The following DISP3 variants were observed in gnomAD, a reference collection of about 807,000 sequenced individuals.
The protein encoded by DISP3 is dispatched RND transporter family member 3, also known as protein dispatched homolog 3.
A neutral mutation model predicts 135.3 loss-of-function variants in DISP3; 101 were observed. That is an observed-to-expected ratio of 0.75 (90% CI 0.64 to 0.88). The LOEUF is 0.88. DISP3 is among the 40% of genes least tolerant of loss of function. DISP3 has a pLI of 0.00. For missense variants in DISP3, 1,713 were observed against 1,878.6 expected (o/e 0.91, Z 1.63); for synonymous variants, 856 against 817.0 (o/e 1.05, Z -0.81).
rs1296744210 is a variant in DISP3, at chr1:11,501,824, A to G, written c.832A>G (p.Ile278Val). 1.2e-6 allele frequency: 2 copies of G among 1,610,980 alleles called. No individual in the cohort carries two copies. Among genetic ancestry groups the G allele is most frequent in the Admixed American group, 1.7e-5 (1 of 59,846 alleles). The change falls in exon 2 of 21, where the codon ATC (isoleucine) becomes GTC (valine). Residue 278 changes from isoleucine to valine, a missense_variant. By Grantham distance (29) the Ile-to-Val change is conservative. Transcript: ENST00000294484. This position sits in a 1 kb window ranked among gnomAD's most constrained non-coding sequence, Gnocchi z 4.9. ...QTHAHWRIELIFLARGDAERN... is the reference protein window; with the variant it reads ...QTHAHWRIELVFLARGDAERN... Reference sequence around the variant, plus strand: ...GCACGCGCACTGGCGCATCGAGCTCATCTTCCTGGCGCGCGGCGACGCGGA... The same window carrying G: ...GCACGCGCACTGGCGCATCGAGCTCGTCTTCCTGGCGCGCGGCGACGCGGA...
At chr1:11,504,394 G>C (rs961766821) in intron 3 of DISP3, among the ~76,000 whole-genome samples, 10 of 152,220 alleles carry the variant, frequency 6.6e-5, no homozygotes, top group African/African-American at 2.4e-4. Flanking sequence ...CCTTCTCCCT[G>C]CCTTATTTCT....
At position 11,529,430 on chromosome 1, in the gene DISP3, G is replaced by T. The variant is rs143625383; in HGVS notation, c.2799-126G>T. ...CAACCTGAGAACAAATCCCCATGCCGGGGCAGAGCCCGAGTCCAGACCCCA... is the reference window on the plus strand; with the variant it reads ...CAACCTGAGAACAAATCCCCATGCCTGGGCAGAGCCCGAGTCCAGACCCCA... On this transcript the variant is annotated intron_variant, in intron 13 of 20. Transcript: ENST00000294484. The surrounding 1 kb of genome is among the most constrained non-coding windows in gnomAD (Gnocchi z 4.7). 8.6e-7 allele frequency: 1 copy of T among 1,161,872 alleles called. No homozygotes were observed. The highest frequency in any genetic ancestry group is 1.5e-5 in the African/African-American group (1 of 64,616). 72.0% of individuals were successfully genotyped at this position (1,161,872 alleles called of 1,614,324 possible).
chr1:11,494,065 C>T (rs913253464), intron 1 of DISP3, among the ~76,000 whole-genome samples: 8 of 152,300 alleles, frequency 5.3e-5, no homozygotes, highest in Non-Finnish European at 1.2e-4. Flanking sequence ...CCTGGTATGG[C>T]CAAAAGAGCC....
rs1454413731 is a variant in DISP3, at chr1:11,524,026, G to T, written c.2447G>T (p.Trp816Leu). ...AAGAGGCGAGGCTCAGGGGTCCCCT[G>T]GGCTAGCCGGCCTGAGGCCACCCTG... ...EKKRRGSGVP[W>L]ASRPEATLQD... Residue 816 changes from tryptophan to leucine, a missense_variant, in exon 11 of 21, where the codon TGG becomes TTG. By Grantham distance (61) the Trp-to-Leu change is moderately conservative. Coordinates refer to ENST00000294484, the MANE Select transcript of DISP3 (RefSeq NM_020780.2). 6.2e-7 allele frequency: 1 copy of T among 1,613,160 alleles called. No homozygotes were observed.
In DISP3 at chr1:11,534,553, C is replaced by G; in HGVS notation, c.3535+13C>G. 5.0e-6 allele frequency: 8 copies of G among 1,592,964 alleles called. No homozygotes were observed. The highest frequency in any genetic ancestry group is 6.8e-6 in the Non-Finnish European group (8 of 1,168,562). On this transcript the variant is annotated intron_variant, in intron 18 of 20. Transcript: ENST00000294484. Reference sequence around the variant, plus strand: ...ATGGAAATCGTAGGCAAGCGGCAGCCTCGCCCCTCCATCCTGGGTGGGCAG... The same window carrying G: ...ATGGAAATCGTAGGCAAGCGGCAGCGTCGCCCCTCCATCCTGGGTGGGCAG...
At chr1:11,485,267 C>T (rs1308573222) in intron 1 of DISP3, among the ~76,000 whole-genome samples, 1 of 152,118 alleles carries the variant, frequency 6.6e-6, no homozygotes, top group Non-Finnish European at 1.5e-5. Context: ...AGGAAGGTTT[C>T]CTGTAGGTGT....
intron 19 of DISP3, 112 bp downstream of exon 19, chr1:11,535,236 A>G (rs2235661): frequency 0.14 from 157,743 of 1,121,468 alleles, 11,821 homozygotes; most frequent in East Asian, 0.27. Flanking sequence ...GTCACATCTC[A>G]GCGGAGGCTC....
chr1:11,520,569 AC>A lies in DISP3; in HGVS notation c.2201-115del. Reference sequence around the variant, plus strand: ...GCTGGCATGCAGGGCCTTCCCCCGCACCCTTAGGACACCCGCCCCCCAACAA... The same window carrying A: ...GCTGGCATGCAGGGCCTTCCCCCGCACCTTAGGACACCCGCCCCCCAACAA... On this transcript the variant is annotated intron_variant, in intron 9 of 20. Transcript: ENST00000294484. The surrounding 1 kb of genome is among the most constrained non-coding windows in gnomAD (Gnocchi z 4.8). 8.6e-7 allele frequency: 1 copy of A among 1,163,750 alleles called. No homozygotes were observed. Among genetic ancestry groups the A allele is most frequent in the Non-Finnish European group, 1.2e-6 (1 of 829,330 alleles). 72.1% of individuals were successfully genotyped at this position (1,163,750 alleles called of 1,614,324 possible). A position where few individuals can be genotyped will look rare whatever the true frequency, so the allele number is the denominator to read the frequency against.
Position 11,530,887 on chromosome 1 carries a change from C to T in DISP3, c.3103-20C>T, listed in dbSNP as rs377281428. ...CGTCTCACTGAGCGGCCCGGGCCGG[C>T]TTGTTTCTCCTTGGGAAAGGGTAGT... On this transcript the variant is annotated intron_variant, in intron 15 of 20. Coordinates refer to ENST00000294484, the MANE Select transcript of DISP3 (RefSeq NM_020780.2). The T allele has an allele frequency of 8.1e-6, 13 of 1,613,068 alleles. No homozygotes were observed. The highest frequency in any genetic ancestry group is 2.7e-5 in the African/African-American group (2 of 74,866).
intron 10 of DISP3, 63 bp from the exon 11 acceptor site, chr1:11,523,879 C>T (rs1642327830): frequency 6.6e-6 from 9 of 1,359,712 alleles, no homozygotes; most frequent in Non-Finnish European, 9.3e-6. Flanking sequence ...TTCCCTCTGC[C>T]CATCGGGCCC....
intron 1 of DISP3, among the ~76,000 whole-genome samples, chr1:11,489,444 G>A (rs2379139): frequency 1 from 152,103 of 152,362 alleles, 75,923 homozygotes; most frequent in Middle Eastern, 1. Flanking sequence ...CACCCAGTAC[G>A]TGGCTATTGG....
In DISP3 at chr1:11,534,497, C is replaced by G. The variant is rs202118260; in HGVS notation, c.3492C>G (p.Phe1164Leu). 6.2e-7 allele frequency: 1 copy of G among 1,613,738 alleles called. No homozygotes were observed. Among genetic ancestry groups the G allele is most frequent in the Admixed American group, 1.7e-5 (1 of 59,992 alleles). ...AGGGCTCAGTCCTGCGCCGGGGCTTCCAGACCTGCGAGCACTGGAAGCAGA... is the reference window on the plus strand; with the variant it reads ...AGGGCTCAGTCCTGCGCCGGGGCTTGCAGACCTGCGAGCACTGGAAGCAGA... Reference protein sequence around the residue: ...LPEGSVLRRGFQTCEHWKQIF... With the variant: ...LPEGSVLRRGLQTCEHWKQIF... The change falls in exon 18 of 21, where the codon TTC becomes TTG. Residue 1164 changes from phenylalanine to leucine, a missense_variant. Around this residue, in one of 2 missense-constraint regions of DISP3, gnomAD observed 1,142 missense variants for 1,384.6 expected, o/e 0.82. Transcript: ENST00000294484.
chr1:11,479,967 C>G (rs1640848268), intron 1 of DISP3, among the ~76,000 whole-genome samples: 1 of 152,202 alleles, frequency 6.6e-6, no homozygotes, highest in African/African-American at 2.4e-5. Context: ...CGAGGGTCCC[C>G]AGGCTCTGCC....
Position 11,501,041 on chromosome 1 carries a change from G to A in DISP3, c.49G>A (p.Glu17Lys), listed in dbSNP as rs762363608. The A allele has an allele frequency of 8.1e-6, 13 of 1,613,844 alleles. No individual in the cohort carries two copies. The highest frequency in any genetic ancestry group is 6.6e-5 in the South Asian group (6 of 91,026). Residue 17 changes from glutamate (E) to lysine (K), a missense_variant, in exon 2 of 21, where the codon GAG (glutamate) becomes AAG (lysine). By Grantham distance (56) the Glu-to-Lys change is moderately conservative (BLOSUM62 1). Transcript: ENST00000294484. The surrounding 1 kb of genome is among the most constrained non-coding windows in gnomAD (Gnocchi z 4.9). ...PLLQDVWLEE[E>K]QEEEEATGET... ...GCTGCAGGATGTGTGGCTAGAGGAGGAGCAGGAGGAGGAAGAAGCAACGGG... is the reference window on the plus strand; with the variant it reads ...GCTGCAGGATGTGTGGCTAGAGGAGAAGCAGGAGGAGGAAGAAGCAACGGG...
chr1:11,524,437 G>A (rs1642347498), intron 11 of DISP3, among the ~76,000 whole-genome samples: 2 of 151,998 alleles, frequency 1.3e-5, no homozygotes, highest in African/African-American at 2.4e-5. Flanking sequence ...AGCTGTGTCT[G>A]TCCCTGTCAC....
intron 3 of DISP3, among the ~76,000 whole-genome samples, chr1:11,511,463 A>T (rs1249239672): frequency 6.6e-6 from 1 of 152,198 alleles, no homozygotes; most frequent in Non-Finnish European, 1.5e-5. Context: ...AGGGCAGTCA[A>T]ATTTTAAAGC....
intron 1 of DISP3, among the ~76,000 whole-genome samples, chr1:11,485,767 C>G (rs763380598): frequency 2.0e-5 from 3 of 152,136 alleles, no homozygotes; most frequent in Non-Finnish European, 2.9e-5. Context: ...TCATTTCATC[C>G]TCATACCTGC....
In DISP3 at chr1:11,519,705, C is replaced by A. The variant is rs749106935; in HGVS notation, c.2039-14C>A. On this transcript the variant is annotated splice_polypyrimidine_tract_variant and intron_variant, in intron 8 of 20. Transcript: ENST00000294484. This position sits in a 1 kb window ranked among gnomAD's most constrained non-coding sequence, Gnocchi z 4.3. ...TGATTCAGGCTCTGACGGGCCACTG[C>A]TCTGCCCTGGCAGTGTCACTGGAGC... The A allele has an allele frequency of 6.2e-7, 1 of 1,610,900 alleles. No individual in the cohort carries two copies. The highest frequency in any genetic ancestry group is 8.5e-7 in the Non-Finnish European group (1 of 1,179,066).
Position 11,501,904 on chromosome 1 carries a change from G to A in DISP3, c.912G>A (p.Lys304=). The A allele has an allele frequency of 1.2e-6, 2 of 1,613,470 alleles. No homozygotes were observed. The highest frequency in any genetic ancestry group is 1.7e-6 in the Non-Finnish European group (2 of 1,179,786). The part of the protein sequence containing the change: ...RLVTIHEIER[K]IMDHPGFREF... Reference sequence around the variant, plus strand: ...TCACGATCCATGAGATCGAGCGCAAGATCATGGACCACCCAGGCTTCCGGG... The same window carrying A: ...TCACGATCCATGAGATCGAGCGCAAAATCATGGACCACCCAGGCTTCCGGG... Residue 304 remains lysine (K), a synonymous_variant, in exon 2 of 21, where the codon AAG becomes AAA. Coordinates refer to ENST00000294484, the MANE Select transcript of DISP3 (RefSeq NM_020780.2). The surrounding 1 kb of genome is among the most constrained non-coding windows in gnomAD (Gnocchi z 4.9).
Sources: gnomAD v4.1 joint callset for allele counts (sites outside exome capture counted in the v4.1 genomes callset) on GRCh38, gnomAD v4.1.1 for gene constraint, gnomAD v4.1.1 regional missense constraint, Gnocchi (gnomAD v3.1) non-coding constraint, MANE v1.5 for transcripts, NCBI Gene and HGNC (gene_info 2026-07-23, HGNC 2026-07-21) for gene names.